Variants in ASIC2 observed in about 807,000 individuals in gnomAD.
ASIC2 encodes acid-sensing ion channel 2.
ASIC2 carries 25 observed loss-of-function variants against 57.3 expected under a neutral mutation model. The ratio of observed to expected loss-of-function variants is 0.44; its 90% confidence interval spans 0.32 to 0.61. The LOEUF (loss-of-function observed/expected upper bound fraction) is 0.61. ASIC2 is among the 20% of genes least tolerant of loss of function. The pLI is 0.06. For missense variants in ASIC2, 641 were observed against 738.1 expected (o/e 0.87, Z 1.52); for synonymous variants, 319 against 307.5 (o/e 1.04, Z -0.39).
chr17:33,280,753 A>T lies in ASIC2; in HGVS notation c.708+10655T>A, dbSNP rs142125086. On this transcript the variant is annotated intron_variant, in intron 1 of 9. Transcript: ENST00000225823. ...CCAGAGCCTTTGAGGTGGTTCTATA[A>T]ATCAAATTCTTTCCATAATTTTCTC... Among the ~76,000 whole-genome samples the T allele has an allele frequency of 4.0e-4, 61 of 152,324 alleles. No individual in the cohort carries two copies. The East Asian group carries it at 9.5e-3, about 24-fold the overall frequency.
intron 1 of ASIC2, among the ~76,000 whole-genome samples, chr17:34,025,636 G>A (rs936547015): frequency 6.6e-6 from 1 of 152,122 alleles, no homozygotes; most frequent in Non-Finnish European, 1.5e-5. Context: ...ACTGTTAATT[G>A]TAAATAAGAC....
intron 1 of ASIC2, among the ~76,000 whole-genome samples, chr17:33,764,141 C>T (rs1910864484): frequency 6.6e-6 from 1 of 151,874 alleles, no homozygotes; most frequent in South Asian, 2.1e-4. Flanking sequence ...AAAAACAAAA[C>T]AAAACAAAAC....
intron 1 of ASIC2, chr17:33,291,059 T>C (rs996765896): frequency 3.8e-5 from 11 of 288,146 alleles, no homozygotes; most frequent in Non-Finnish European, 6.4e-5. Flanking sequence ...GAGCAGTTTC[T>C]TGGAGTCCTG....
At chr17:33,449,146 C>A (rs1358430937) in intron 1 of ASIC2, among the ~76,000 whole-genome samples, 2 of 152,144 alleles carry the variant, frequency 1.3e-5, no homozygotes, top group African/African-American at 2.4e-5. Flanking sequence ...GCCACAGACC[C>A]TTTGAGGTTG....
intron 1 of ASIC2, among the ~76,000 whole-genome samples, chr17:33,382,456 G>T (rs1186750019): frequency 6.6e-6 from 1 of 152,184 alleles, no homozygotes; most frequent in Non-Finnish European, 1.5e-5. Context: ...TTCACAGCAG[G>T]AGGCTGCATC....
intron 1 of ASIC2, among the ~76,000 whole-genome samples, chr17:33,590,525 GTCTCTACACCACATCCCAA>G (rs1484846229): frequency 2.6e-5 from 4 of 151,878 alleles, no homozygotes; most frequent in African/African-American, 4.8e-5. Context: ...CAATGGCTGT[GTCTCTACACCACATCCCAA>G]TCTCTACACC....
At chr17:33,736,003 C>G (rs1909899145) in intron 1 of ASIC2, among the ~76,000 whole-genome samples, 1 of 152,098 alleles carries the variant, frequency 6.6e-6, no homozygotes, top group African/African-American at 2.4e-5. Context: ...CTCCTGGTCT[C>G]TGCTTGTTCA....
chr17:33,470,760 A>T (rs902685048), intron 1 of ASIC2, among the ~76,000 whole-genome samples: 2 of 152,210 alleles, frequency 1.3e-5, no homozygotes, highest in African/African-American at 4.8e-5. Flanking sequence ...AATCACCTTG[A>T]AACTACCTGC....
At chr17:33,358,147 C>CA (rs1205601068) in intron 1 of ASIC2, among the ~76,000 whole-genome samples, 1 of 152,042 alleles carries the variant, frequency 6.6e-6, no homozygotes, top group Non-Finnish European at 1.5e-5. Flanking sequence ...TTTGGTTCAA[C>CA]AAAAAAATCA....
intron 1 of ASIC2, among the ~76,000 whole-genome samples, chr17:33,997,041 A>T (rs2142012980): frequency 1.3e-5 from 2 of 152,222 alleles, no homozygotes; most frequent in South Asian, 4.1e-4. Context: ...AATGTTTTCT[A>T]GTTTTATGTG....
chr17:34,076,635 T>C (rs559062779), intron 1 of ASIC2, among the ~76,000 whole-genome samples: 1 of 152,328 alleles, frequency 6.6e-6, no homozygotes, highest in African/African-American at 2.4e-5. Flanking sequence ...TCATTGTTCA[T>C]AATTTGTCTT....
At chr17:33,077,035 A>G (rs969467597) in intron 3 of ASIC2, among the ~76,000 whole-genome samples, 3 of 152,054 alleles carry the variant, frequency 2.0e-5, no homozygotes, top group African/African-American at 7.2e-5. Flanking sequence ...CCCAGCCCAG[A>G]GGCTCTACCA....
intron 1 of ASIC2, among the ~76,000 whole-genome samples, chr17:33,483,128 C>A (rs141589711): frequency 1.3e-5 from 2 of 148,958 alleles, no homozygotes; most frequent in South Asian, 4.3e-4. Context: ...TGCATCCCCA[C>A]GCCACACAGA....
intron 1 of ASIC2, among the ~76,000 whole-genome samples, chr17:33,621,505 C>T (rs879779342): frequency 6.6e-6 from 1 of 152,168 alleles, no homozygotes; most frequent in Non-Finnish European, 1.5e-5. Flanking sequence ...GCTGGTTCAT[C>T]CTGATAGGTG....
chr17:34,030,632 C>T (rs988999320), intron 1 of ASIC2, among the ~76,000 whole-genome samples: 6 of 152,228 alleles, frequency 3.9e-5, no homozygotes, highest in African/African-American at 1.4e-4. Flanking sequence ...TAGACAGCAC[C>T]TGGAAAATCG....
chr17:33,505,967 T>C (rs1164116103), intron 1 of ASIC2, among the ~76,000 whole-genome samples: 1 of 152,232 alleles, frequency 6.6e-6, no homozygotes, highest in Admixed American at 6.5e-5. Flanking sequence ...GATTGCTTTT[T>C]AAAAATCTCT....
intron 1 of ASIC2, among the ~76,000 whole-genome samples, chr17:33,873,941 A>G (rs1398569366): frequency 1.3e-5 from 2 of 152,204 alleles, no homozygotes; most frequent in Admixed American, 6.5e-5. Flanking sequence ...ATAGCCAGGC[A>G]GCTGGGGCTT....
intron 1 of ASIC2, among the ~76,000 whole-genome samples, chr17:33,821,234 C>T (rs1193612759): frequency 6.6e-6 from 1 of 152,174 alleles, no homozygotes; most frequent in Non-Finnish European, 1.5e-5. Context: ...GAATGTGTTT[C>T]TATTCTTCCG....
intron 1 of ASIC2, among the ~76,000 whole-genome samples, chr17:33,490,513 T>C (rs1017569864): frequency 1.3e-5 from 2 of 152,214 alleles, no homozygotes; most frequent in South Asian, 2.1e-4. Context: ...AATTGAATCA[T>C]GGGAGCAAGT....
Sources: allele counts gnomAD v4.1 joint callset (sites outside exome capture counted in the v4.1 genomes callset), GRCh38; gene constraint gnomAD v4.1.1; transcripts MANE v1.5; gene names NCBI Gene and HGNC (gene_info 2026-07-23, HGNC 2026-07-21).